RFC3: variants seen among roughly 807,000 people sequenced by gnomAD.
RFC3 encodes A1 38 kDa subunit.
Under a neutral mutation model 45.1 loss-of-function variants are expected in RFC3, and 41 were observed. The ratio of observed to expected loss-of-function variants is 0.91; its 90% CI spans 0.71 to 1.18. RFC3 has a LOEUF of 1.18. Ranked by LOEUF, RFC3 falls within the 50% of genes most tolerant of loss-of-function variation. The pLI is 0.00. For missense variants in RFC3, 423 were observed against 428.1 expected (o/e 0.99, Z 0.10); for synonymous variants, 149 against 144.0 (o/e 1.03, Z -0.25).
At chr13:33,890,275 C>A (rs372602568) in intron 8 of RFC3, among the ~76,000 whole-genome samples, 1 of 152,042 alleles carries the variant, frequency 6.6e-6, no homozygotes, top group Non-Finnish European at 1.5e-5. Flanking sequence ...AGTCATTTGG[C>A]CAGAGCCTAC....
intron 8 of RFC3, among the ~76,000 whole-genome samples, chr13:33,932,933 A>G (rs1173731613): frequency 2.0e-5 from 3 of 152,174 alleles, no homozygotes; most frequent in Admixed American, 6.5e-5. Context: ...AATGGACAAT[A>G]TGTCCATAAT....
chr13:33,941,162 G>A (rs561644460), intron 8 of RFC3, among the ~76,000 whole-genome samples: 1 of 152,288 alleles, frequency 6.6e-6, no homozygotes, highest in East Asian at 1.9e-4. Context: ...TCTTCAGCAG[G>A]GGTAGTAACC....
At chr13:33,821,368 A>G (rs1401897261) in intron 2 of RFC3, 99 bp downstream of exon 2, 1 of 1,190,242 alleles carries the variant, frequency 8.4e-7, no homozygotes, top group East Asian at 2.4e-5. Flanking sequence ...CTAATGTATG[A>G]TTTAAATAAG....
chr13:33,826,088 T>G (rs564366584), intron 4 of RFC3, among the ~76,000 whole-genome samples: 43 of 152,178 alleles, frequency 2.8e-4, no homozygotes, highest in Non-Finnish European at 4.3e-4. Context: ...TAAAAATACG[T>G]GATTTAAAAT....
chr13:33,924,479 A>T (rs974267270), intron 8 of RFC3, among the ~76,000 whole-genome samples: 2 of 151,890 alleles, frequency 1.3e-5, no homozygotes, highest in African/African-American at 4.8e-5. Context: ...TGCTATAATG[A>T]CAAAGTAGAG....
chr13:33,894,853 A>G (rs1453174235), intron 8 of RFC3, among the ~76,000 whole-genome samples: 1 of 152,212 alleles, frequency 6.6e-6, no homozygotes. Flanking sequence ...ATAAAGCCAA[A>G]TACTTACAAC....
intron 8 of RFC3, among the ~76,000 whole-genome samples, chr13:33,922,271 G>T (rs779508905): frequency 4.7e-5 from 7 of 149,870 alleles, no homozygotes; most frequent in South Asian, 2.1e-4. Context: ...ATGAATTTTA[G>T]TATATTTAGA....
chr13:33,830,629 A>G (rs1018800232), intron 5 of RFC3, 90 bp from the exon 6 acceptor site: 5 of 983,652 alleles, frequency 5.1e-6, no homozygotes, highest in Non-Finnish European at 7.3e-6. Flanking sequence ...TGAGAGTAAT[A>G]CAGTTATAAG....
intron 8 of RFC3, among the ~76,000 whole-genome samples, chr13:33,913,078 C>T (rs9285101): frequency 6.6e-6 from 1 of 151,996 alleles, no homozygotes; most frequent in Non-Finnish European, 1.5e-5. Flanking sequence ...AGCTTTAGAC[C>T]ATTTGAATTT....
chr13:33,863,700 C>G (rs2082356001), intron 8 of RFC3, among the ~76,000 whole-genome samples: 1 of 152,186 alleles, frequency 6.6e-6, no homozygotes, highest in Non-Finnish European at 1.5e-5. Context: ...ATACACAGGC[C>G]TTCCATGAAA....
chr13:33,905,358 A>T (rs542132943), intron 8 of RFC3, among the ~76,000 whole-genome samples: 1 of 152,208 alleles, frequency 6.6e-6, no homozygotes. Context: ...TAGCCAGGTG[A>T]CAATTGTGCT....
chr13:33,901,515 G>A (rs1020706851), intron 8 of RFC3, among the ~76,000 whole-genome samples: 1 of 151,962 alleles, frequency 6.6e-6, no homozygotes, highest in African/African-American at 2.4e-5. Flanking sequence ...AGAGTAGACT[G>A]GCAGTTACCA....
Position 33,836,475 on chromosome 13 carries a change from A to C in RFC3, c.*180A>C, listed in dbSNP as rs1450420934. The C allele has an allele frequency of 3.6e-6, 5 of 1,376,772 alleles. No homozygotes were observed. In the Admixed American group the frequency reaches 9.0e-5, roughly 25 times the overall value. 85.3% of individuals were successfully genotyped at this position (1,376,772 alleles called of 1,614,324 possible). A position where few individuals can be genotyped will look rare whatever the true frequency, so the allele number is the denominator to read the frequency against. The stretch of plus-strand genomic sequence containing the variant: ...TTAAATAATTGCTCCTATACTATTG[A>C]AGTATGTAGTTTTGTACATAACTTA... On this transcript the variant is annotated 3_prime_UTR_variant, in exon 9 of 9. Transcript: ENST00000380071.
chr13:33,819,496 AAAT>A (rs1279413868), intron 1 of RFC3, among the ~76,000 whole-genome samples: 1 of 152,200 alleles, frequency 6.6e-6, no homozygotes, highest in East Asian at 1.9e-4. Context: ...TAAAAATAAG[AAAT>A]AATAAGAAAA....
At chr13:33,932,049 A>G (rs1455979141) in intron 8 of RFC3, among the ~76,000 whole-genome samples, 2 of 152,206 alleles carry the variant, frequency 1.3e-5, no homozygotes, top group African/African-American at 4.8e-5. Context: ...CATTAATTCT[A>G]CAAATGCTTA....
rs1225918126 is a variant in RFC3 at position 33,860,588 on chromosome 13, T to C, written c.879+25371T>C. Among the ~76,000 whole-genome samples, 9 of 152,264 alleles carry C rather than the reference T, an allele frequency of 5.9e-5. 2 individuals carry two copies. In the South Asian group the frequency reaches 1.7e-3, roughly 28 times the overall value. On this transcript the variant is annotated intron_variant, in intron 8 of 8. Transcript: ENST00000434425. ...TTTTGCTTATCCCTCGGCTTTTTAA[T>C]GTGACAATCGACTCCGCATGTGTCC...
chr13:33,899,502 C>T (rs563848540), intron 8 of RFC3, among the ~76,000 whole-genome samples: 1 of 151,732 alleles, frequency 6.6e-6, no homozygotes, highest in Non-Finnish European at 1.5e-5. Flanking sequence ...TAAAAAGCCT[C>T]ATCAAACTAG....
At chr13:33,939,811 A>G (rs1244297814) in intron 8 of RFC3, among the ~76,000 whole-genome samples, 1 of 152,182 alleles carries the variant, frequency 6.6e-6, no homozygotes, top group Non-Finnish European at 1.5e-5. Context: ...GCTAGTATCT[A>G]GAGAATCAGA....
chr13:33,880,487 G>A (rs1457571577), intron 8 of RFC3, among the ~76,000 whole-genome samples: 1 of 152,182 alleles, frequency 6.6e-6, no homozygotes, highest in Non-Finnish European at 1.5e-5. Flanking sequence ...CTGAGATGAT[G>A]AGGGCGTTCT....
Sources: gnomAD v4.1 joint callset for allele counts (sites outside exome capture counted in the v4.1 genomes callset) on GRCh38, gnomAD v4.1.1 for gene constraint, MANE v1.5 for transcripts, NCBI Gene and HGNC (gene_info 2026-07-23, HGNC 2026-07-21) for gene names.